SERTAD2: variants seen among roughly 807,000 people sequenced by gnomAD.
SERTAD2 encodes SERTA domain containing 2.
In SERTAD2, 2 loss-of-function variants were observed where a neutral mutation model predicts 15.4. The observed-to-expected ratio is 0.13, with a 90% CI of 0.05 to 0.41. The LOEUF (loss-of-function observed/expected upper bound fraction) is 0.41, where lower values mean the gene tolerates loss of function less well. Ranked by LOEUF, SERTAD2 falls within the 10% of genes least tolerant of loss-of-function variation. The pLI is 0.99. For missense variants in SERTAD2, 333 were observed against 409.7 expected (o/e 0.81, Z 1.62); for synonymous variants, 180 against 178.0 (o/e 1.01, Z -0.09).
chr2:64,632,646 AC>A lies in SERTAD2; in HGVS notation c.*3280del, dbSNP rs1674560806. 6.5e-6 allele frequency: 1 copy of A among 152,756 alleles called. No individual in the cohort carries two copies. Among genetic ancestry groups the A allele is most frequent in the East Asian group, 1.9e-4 (1 of 5,196 alleles). The allele number at this position is 152,756 out of a possible 1,614,324, so 9.5% of individuals were successfully genotyped here. A position where few individuals can be genotyped will look rare whatever the true frequency, so the allele number is the denominator to read the frequency against. ...TTGGAGGTATTAAAACATTCCTCAT[AC>A]CTTTTGCATATTTCAAATAGACCCA... On this transcript the variant is annotated 3_prime_UTR_variant, in exon 2 of 2. Coordinates refer to ENST00000313349, the MANE Select transcript of SERTAD2 (RefSeq NM_014755.3).
At chr2:64,648,493 G>T (rs1674949562) in intron 1 of SERTAD2, among the ~76,000 whole-genome samples, 1 of 152,192 alleles carries the variant, frequency 6.6e-6, no homozygotes, top group African/African-American at 2.4e-5. Flanking sequence ...GGACTTCTGT[G>T]CATTGATAAT....
In SERTAD2 at chr2:64,636,108, A is replaced by G; in HGVS notation, c.764T>C (p.Met255Thr). ...GGAAGTGCAGGGGTCAAAATCATAC[A>G]TGGACGTATCAATGTCAGCAAACAG... ...DILFADIDTS[M>T]YDFDPCTSSS... The change falls in exon 2 of 2, where the codon ATG becomes ACG. Residue 255 changes from methionine to threonine, a missense_variant. Coordinates refer to ENST00000313349, the MANE Select transcript of SERTAD2 (RefSeq NM_014755.3). 1.2e-6 allele frequency: 2 copies of G among 1,614,168 alleles called. No individual in the cohort carries two copies. The highest frequency in any genetic ancestry group is 1.7e-6 in the Non-Finnish European group (2 of 1,180,032).
In SERTAD2 at chr2:64,632,837, AATAAAT is replaced by A. The variant is rs1674566114; in HGVS notation, c.*3084_*3089del. 6.6e-6 allele frequency: 1 copy of A among 152,312 alleles called. No individual in the cohort carries two copies. Among genetic ancestry groups the A allele is most frequent in the African/African-American group, 2.4e-5 (1 of 41,302 alleles). 9.4% of individuals were successfully genotyped at this position (152,312 alleles called of 1,614,324 possible). A position where few individuals can be genotyped will look rare whatever the true frequency, so the allele number is the denominator to read the frequency against. On this transcript the variant is annotated 3_prime_UTR_variant, in exon 2 of 2. Transcript: ENST00000313349. ...TCCAGATGTTAGCGCTCCACAGTAA[AATAAAT>A]ATATTTACACAGAAAAAAGGAATAA...
intron 1 of SERTAD2, among the ~76,000 whole-genome samples, chr2:64,639,180 C>T (rs2104340920): frequency 6.6e-6 from 1 of 152,326 alleles, no homozygotes; most frequent in South Asian, 2.1e-4. Flanking sequence ...TACATACACA[C>T]TCTAAAATAG....
At chr2:64,641,631 T>G (rs1186116788) in intron 1 of SERTAD2, among the ~76,000 whole-genome samples, 5 of 152,064 alleles carry the variant, frequency 3.3e-5, no homozygotes, top group Non-Finnish European at 7.3e-5. Flanking sequence ...AGGGCAGCAC[T>G]GTAAAAACAG....
At chr2:64,643,807 A>C (rs965909866) in intron 1 of SERTAD2, among the ~76,000 whole-genome samples, 1 of 152,136 alleles carries the variant, frequency 6.6e-6, no homozygotes. Context: ...CGGAGTTTGC[A>C]GTGAGCCGAG....
intron 1 of SERTAD2, among the ~76,000 whole-genome samples, chr2:64,652,194 G>C (rs1024227370): frequency 2.0e-5 from 3 of 152,168 alleles, no homozygotes; most frequent in African/African-American, 7.2e-5. Context: ...GTTCACTCCA[G>C]AAGTTGGGAT....
chr2:64,648,296 T>A (rs1033538779), intron 1 of SERTAD2, among the ~76,000 whole-genome samples: 2 of 152,260 alleles, frequency 1.3e-5, no homozygotes, highest in Non-Finnish European at 2.9e-5. Flanking sequence ...AATAAGGTTT[T>A]ACAAAGACAA....
rs1013521789 is a variant in SERTAD2, at chr2:64,634,743, G to C, written c.*1184C>G. ...GCATTGCAACAGGGCTGAGTTCCATGAAGAAGTTGGTTGCTTTTCGGATGT... is the reference window on the plus strand; with the variant it reads ...GCATTGCAACAGGGCTGAGTTCCATCAAGAAGTTGGTTGCTTTTCGGATGT... On this transcript the variant is annotated 3_prime_UTR_variant, in exon 2 of 2. Coordinates refer to ENST00000313349, the MANE Select transcript of SERTAD2 (RefSeq NM_014755.3). 6.6e-6 allele frequency: 1 copy of C among 152,186 alleles called. No homozygotes were observed. Among genetic ancestry groups the C allele is most frequent in the Non-Finnish European group, 1.5e-5 (1 of 68,038 alleles). 9.4% of individuals were successfully genotyped at this position (152,186 alleles called of 1,614,324 possible).
At chr2:64,643,435 C>T (rs903053602) in intron 1 of SERTAD2, among the ~76,000 whole-genome samples, 2 of 152,192 alleles carry the variant, frequency 1.3e-5, no homozygotes, top group African/African-American at 4.8e-5. Context: ...TGGGGCCTGC[C>T]TCATGATGAG....
intron 1 of SERTAD2, among the ~76,000 whole-genome samples, chr2:64,650,633 C>T (rs936338008): frequency 4.6e-5 from 7 of 152,176 alleles, no homozygotes; most frequent in African/African-American, 1.7e-4. Flanking sequence ...AGATTAGTAG[C>T]CATTTCCTTC....
chr2:64,635,941 GC>G lies in SERTAD2; in HGVS notation c.930del (p.Val312LeufsTer21). 1 of 1,612,768 alleles carries G rather than the reference GC, an allele frequency of 6.2e-7. No individual in the cohort carries two copies. Among genetic ancestry groups the G allele is most frequent in the Admixed American group, 1.7e-5 (1 of 59,996 alleles). On this transcript the variant is annotated frameshift_variant, in exon 2 of 2. Transcript: ENST00000313349. LOFTEE classifies it high-confidence loss of function. Reference sequence around the variant, plus strand: ...GTCCCTGGGTCTTAGGACCCAACAAGCACCTCCATGATGTGGTCCAGCTCTG... The same window carrying G: ...GTCCCTGGGTCTTAGGACCCAACAAGACCTCCATGATGTGGTCCAGCTCTG... ...DLTELDHIME[V>X]LVGS
Position 64,653,647 on chromosome 2 carries a change from G to C in SERTAD2, c.-32C>G, listed in dbSNP as rs1675064716. 1.3e-5 allele frequency: 2 copies of C among 152,252 alleles called. No homozygotes were observed. The highest frequency in any genetic ancestry group is 4.8e-5 in the African/African-American group (2 of 41,446). 9.4% of individuals were successfully genotyped at this position (152,252 alleles called of 1,614,324 possible). A position where few individuals can be genotyped will look rare whatever the true frequency, so the allele number is the denominator to read the frequency against. ...CATGCAGCTCCACCTGGGAACTAAC[G>C]CATCAGGAGGGGTTTCCGCCCACTC... On this transcript the variant is annotated 5_prime_UTR_variant, in exon 1 of 2. Transcript: ENST00000313349.
intron 1 of SERTAD2, among the ~76,000 whole-genome samples, chr2:64,650,408 T>C (rs1292253077): frequency 6.6e-6 from 1 of 150,586 alleles, no homozygotes; most frequent in African/African-American, 2.4e-5. Context: ...AGAATAGGAA[T>C]GTCGTCTTAT....
intron 1 of SERTAD2, among the ~76,000 whole-genome samples, chr2:64,647,461 C>A (rs1366591620): frequency 6.6e-6 from 1 of 152,212 alleles, no homozygotes; most frequent in Non-Finnish European, 1.5e-5. Context: ...ATTGCCCAAC[C>A]TCCCATTCTC....
chr2:64,637,262 T>C (rs1344625298), intron 1 of SERTAD2, among the ~76,000 whole-genome samples: 1 of 152,240 alleles, frequency 6.6e-6, no homozygotes, highest in Non-Finnish European at 1.5e-5. Flanking sequence ...AGATTTATTT[T>C]TAAAGCCCAA....
chr2:64,632,095 T>C lies in SERTAD2; in HGVS notation c.*3832A>G, dbSNP rs558088134. ...TCCATGCCTCCAGGTGCGGGGCAGTTACAGGAAGGTAACCATTTACAGCCA... is the reference window on the plus strand; with the variant it reads ...TCCATGCCTCCAGGTGCGGGGCAGTCACAGGAAGGTAACCATTTACAGCCA... On this transcript the variant is annotated 3_prime_UTR_variant, in exon 2 of 2. Transcript: ENST00000313349. The C allele has an allele frequency of 2.0e-5, 3 of 152,758 alleles. No homozygotes were observed. In the South Asian group the frequency reaches 6.2e-4, roughly 32 times the overall value. The allele number at this position is 152,758 out of a possible 1,614,324, so 9.5% of individuals were successfully genotyped here. A position where few individuals can be genotyped will look rare whatever the true frequency, so the allele number is the denominator to read the frequency against.
At chr2:64,638,550 C>A (rs769517093) in intron 1 of SERTAD2, among the ~76,000 whole-genome samples, 8 of 152,230 alleles carry the variant, frequency 5.3e-5, no homozygotes, top group Non-Finnish European at 1.0e-4. Flanking sequence ...AACCGTCTTA[C>A]CTCATGTCTC....
chr2:64,639,922 G>C (rs1326398125), intron 1 of SERTAD2, among the ~76,000 whole-genome samples: 3 of 152,196 alleles, frequency 2.0e-5, no homozygotes, highest in Non-Finnish European at 4.4e-5. Flanking sequence ...CCTGGAAGGG[G>C]AGGGCAGAGG....
Sources: gnomAD v4.1 joint callset for allele counts (sites outside exome capture counted in the v4.1 genomes callset) on GRCh38, gnomAD v4.1.1 for gene constraint, MANE v1.5 for transcripts, NCBI Gene and HGNC (gene_info 2026-07-23, HGNC 2026-07-21) for gene names.